Variants in CELF2 observed in about 807,000 individuals in gnomAD.
CELF2 encodes CUG triplet repeat RNA-binding protein 2.
A neutral mutation model predicts 62.6 loss-of-function variants in CELF2; 8 were observed. The ratio of observed to expected loss-of-function variants is 0.13; its 90% CI spans 0.07 to 0.23. The LOEUF is 0.23. Ranked by LOEUF, CELF2 falls within the 10% of genes least tolerant of loss-of-function variation. The pLI is 1.00. For synonymous variants in CELF2, 258 were observed against 250.0 expected (o/e 1.03, Z -0.30); for missense variants, 333 against 671.0 (o/e 0.50, Z 5.56).
At chr10:11,184,729 T>G (rs2074369870) in intron 2 of CELF2, among the ~76,000 whole-genome samples, 1 of 152,242 alleles carries the variant, frequency 6.6e-6, no homozygotes, top group Non-Finnish European at 1.5e-5. Flanking sequence ...TATAATTGAT[T>G]TTTGTGTATT....
the CELF2 span, among the ~76,000 whole-genome samples, chr10:10,762,692 C>T: frequency 2.3e-4 from 35 of 152,240 alleles, no homozygotes; most frequent in African/African-American, 7.9e-4. Flanking sequence ...AATATGAGTA[C>T]AAGCACTTAC....
At chr10:10,623,402 T>C in the CELF2 span, among the ~76,000 whole-genome samples, 1 of 152,340 alleles carries the variant, frequency 6.6e-6, no homozygotes, top group East Asian at 1.9e-4. Flanking sequence ...CTCTTCATAC[T>C]ATATTCTGAT....
Position 11,290,875 on chromosome 10 carries a change from C to A in CELF2, c.976+2323C>A, listed in dbSNP as rs751656481. 1.2e-4 allele frequency among the ~76,000 whole-genome samples: 18 copies of A among 152,202 alleles called. No individual in the cohort carries two copies. The highest frequency in any genetic ancestry group is 2.6e-4 in the Admixed American group (4 of 15,284). The stretch of plus-strand genomic sequence containing the variant: ...TAGCAGCAGCAATGATTGAAATCTA[C>A]ATTTCAATTATTTTTCTTAAGTGTA... On this transcript the variant is annotated intron_variant, in intron 9 of 12. Transcript: ENST00000633077. The surrounding 1 kb of genome is among the most constrained non-coding windows in gnomAD (Gnocchi z 4.3).
intron 1 of CELF2, among the ~76,000 whole-genome samples, chr10:10,823,931 T>C (rs916185985): frequency 3.3e-5 from 5 of 152,124 alleles, no homozygotes; most frequent in East Asian, 1.9e-4. Flanking sequence ...GATGGGTAGA[T>C]AGCTGAATGG....
At chr10:10,637,176 T>C in the CELF2 span, among the ~76,000 whole-genome samples, 1 of 152,154 alleles carries the variant, frequency 6.6e-6, no homozygotes, top group Non-Finnish European at 1.5e-5. Context: ...GGTACATTAT[T>C]AAGGGAAAGC....
chr10:10,998,806 C>G (rs776281977), intron 2 of CELF2, among the ~76,000 whole-genome samples: 1 of 152,164 alleles, frequency 6.6e-6, no homozygotes, highest in Non-Finnish European at 1.5e-5. Flanking sequence ...GCCTATAGGA[C>G]ACTTGCTTTT....
At chr10:10,899,872 T>G (rs1310268368) in intron 1 of CELF2, among the ~76,000 whole-genome samples, 5 of 152,166 alleles carry the variant, frequency 3.3e-5, no homozygotes, top group African/African-American at 1.2e-4. Context: ...GCCCCCATGA[T>G]CCAGTCACCT....
the CELF2 span, among the ~76,000 whole-genome samples, chr10:10,748,329 T>C: frequency 6.6e-6 from 1 of 152,168 alleles, no homozygotes; most frequent in African/African-American, 2.4e-5. Flanking sequence ...GAACAAAATA[T>C]GATGTGGACC....
the CELF2 span, among the ~76,000 whole-genome samples, chr10:10,770,776 C>T: frequency 6.6e-6 from 1 of 151,984 alleles, no homozygotes; most frequent in Non-Finnish European, 1.5e-5. Context: ...GTGAATTTGG[C>T]TAATCTGTTT....
chr10:11,326,716 G>C (rs1331679403), intron 12 of CELF2, among the ~76,000 whole-genome samples: 2 of 152,166 alleles, frequency 1.3e-5, no homozygotes, highest in African/African-American at 4.8e-5. Context: ...GGCCCCCAAA[G>C]CAGTTTACAG....
At position 10,993,034 on chromosome 10, in the gene CELF2, C is replaced by T. The variant is rs930361153; in HGVS notation, c.89+73035C>T. 6.6e-6 allele frequency among the ~76,000 whole-genome samples: 1 copy of T among 152,108 alleles called. No homozygotes were observed. The highest frequency in any genetic ancestry group is 1.5e-5 in the Non-Finnish European group (1 of 68,014). On this transcript the variant is annotated intron_variant, in intron 2 of 13. Transcript: ENST00000636488. This position sits in a 1 kb window ranked among gnomAD's most constrained non-coding sequence, Gnocchi z 5.3. The stretch of plus-strand genomic sequence containing the variant: ...AGGTTCATTGACCTTGGTGAGACAG[C>T]TAAACACATGCCTGGCCCAGAATTC...
the CELF2 span, among the ~76,000 whole-genome samples, chr10:10,608,647 C>T: frequency 2.6e-5 from 4 of 152,254 alleles, no homozygotes; most frequent in East Asian, 7.7e-4. Context: ...GGCCTGACCT[C>T]ACAGACAGCA....
At chr10:10,598,436 T>C in the CELF2 span, among the ~76,000 whole-genome samples, 1 of 152,160 alleles carries the variant, frequency 6.6e-6, no homozygotes, top group Non-Finnish European at 1.5e-5. Flanking sequence ...GCCATATTAA[T>C]CAGCATGGAA....
chr10:10,481,828 C>G, the CELF2 span, among the ~76,000 whole-genome samples: 3 of 152,216 alleles, frequency 2.0e-5, no homozygotes, highest in South Asian at 6.2e-4. Context: ...CATTTTCCCT[C>G]TAATAACTCA....
intron 1 of CELF2, among the ~76,000 whole-genome samples, chr10:11,160,400 T>C (rs553270617): frequency 6.6e-6 from 1 of 152,254 alleles, no homozygotes; most frequent in Non-Finnish European, 1.5e-5. Context: ...TTCTTGTGTT[T>C]CCAAAACAAA....
At chr10:10,676,297 C>G in the CELF2 span, among the ~76,000 whole-genome samples, 1 of 152,156 alleles carries the variant, frequency 6.6e-6, no homozygotes, top group Non-Finnish European at 1.5e-5. Context: ...GTATTTCCCT[C>G]TCCCATGGGG....
At chr10:10,482,908 A>G in the CELF2 span, among the ~76,000 whole-genome samples, 1 of 152,088 alleles carries the variant, frequency 6.6e-6, no homozygotes, top group East Asian at 1.9e-4. Flanking sequence ...GCTCACTGAA[A>G]TTATTTAAAC....
chr10:10,902,172 G>A (rs990549965), intron 1 of CELF2, among the ~76,000 whole-genome samples: 4 of 152,200 alleles, frequency 2.6e-5, no homozygotes, highest in Non-Finnish European at 5.9e-5. Context: ...TTAGAAAACA[G>A]TTTGGCCGTT....
At chr10:10,765,531 T>C in the CELF2 span, among the ~76,000 whole-genome samples, 1 of 152,276 alleles carries the variant, frequency 6.6e-6, no homozygotes, top group East Asian at 1.9e-4. Flanking sequence ...AATTGGGCTT[T>C]ATTGCTGTGA....
Sources: allele counts gnomAD v4.1 joint callset (sites outside exome capture counted in the v4.1 genomes callset), GRCh38; gene constraint gnomAD v4.1.1; non-coding constraint Gnocchi (gnomAD v3.1); transcripts MANE v1.5; gene names NCBI Gene and HGNC (gene_info 2026-07-23, HGNC 2026-07-21).